RIMS2: variants seen among roughly 807,000 people sequenced by gnomAD.
RIMS2 encodes the protein regulating synaptic membrane exocytosis 2, also known as regulating synaptic membrane exocytosis protein 2.
A neutral mutation model predicts 174.4 loss-of-function variants in RIMS2; 59 were observed. The ratio of observed to expected loss-of-function variants is 0.34; its 90% confidence interval spans 0.27 to 0.42. The LOEUF (loss-of-function observed/expected upper bound fraction) is 0.42, where lower values mean the gene tolerates loss of function less well. Ranked by LOEUF, RIMS2 falls within the 10% of genes least tolerant of loss-of-function variation. The pLI, the probability that RIMS2 is intolerant of heterozygous loss-of-function variation, is 1.00. For synonymous variants in RIMS2, 606 were observed against 572.5 expected (o/e 1.06, Z -0.84); for missense variants, 1,620 against 1,666.3 (o/e 0.97, Z 0.48).
chr8:103,667,113 A>T (rs2096680637), intron 1 of RIMS2, among the ~76,000 whole-genome samples: 1 of 152,212 alleles, frequency 6.6e-6, no homozygotes, highest in African/African-American at 2.4e-5. Flanking sequence ...CAAAGACCAA[A>T]GAATAAGCTA....
intron 19 of RIMS2, among the ~76,000 whole-genome samples, chr8:104,240,391 A>T (rs1483354606): frequency 6.6e-6 from 1 of 152,226 alleles, no homozygotes. Context: ...ATTCATGGTA[A>T]TGAATGACAT....
intron 19 of RIMS2, among the ~76,000 whole-genome samples, chr8:104,055,972 C>T (rs541913475): frequency 8.4e-4 from 128 of 152,124 alleles, no homozygotes; most frequent in African/African-American, 2.7e-3. Flanking sequence ...TGCACACATA[C>T]GAACATTTTG....
chr8:104,142,700 A>AT (rs572072924), intron 19 of RIMS2, among the ~76,000 whole-genome samples: 223 of 152,242 alleles, frequency 1.5e-3, no homozygotes, highest in African/African-American at 5.3e-3. Context: ...AACCTTAAAC[A>AT]TAGATTAATT....
intron 3 of RIMS2, among the ~76,000 whole-genome samples, chr8:103,874,428 C>T (rs1383243451): frequency 6.6e-6 from 1 of 151,978 alleles, no homozygotes; most frequent in East Asian, 1.9e-4. Flanking sequence ...AAATAGATGA[C>T]AGAAAGCCAA....
chr8:104,056,444 G>A (rs1452439845), intron 19 of RIMS2, among the ~76,000 whole-genome samples: 2 of 151,890 alleles, frequency 1.3e-5, no homozygotes, highest in African/African-American at 4.8e-5. Flanking sequence ...GAATTATAAA[G>A]AGTATCTGGT....
At chr8:104,046,675 C>T (rs192315519) in intron 19 of RIMS2, among the ~76,000 whole-genome samples, 21 of 152,056 alleles carry the variant, frequency 1.4e-4, no homozygotes, top group African/African-American at 5.1e-4. Flanking sequence ...TATAGATACT[C>T]TGTGTGCATT....
At chr8:103,891,817 A>G (rs2099247627) in intron 4 of RIMS2, among the ~76,000 whole-genome samples, 1 of 152,084 alleles carries the variant, frequency 6.6e-6, no homozygotes, top group Non-Finnish European at 1.5e-5. Context: ...ATGGTGGTGG[A>G]TTAATTTGTA....
intron 19 of RIMS2, among the ~76,000 whole-genome samples, chr8:104,101,103 C>A (rs1272390281): frequency 7.9e-6 from 1 of 126,112 alleles, no homozygotes; most frequent in African/African-American, 3.2e-5. Flanking sequence ...TATAATATTG[C>A]ATATATTATA....
chr8:103,758,923 C>T (rs1377370925), intron 2 of RIMS2, among the ~76,000 whole-genome samples: 2 of 152,070 alleles, frequency 1.3e-5, no homozygotes, highest in African/African-American at 2.4e-5. Flanking sequence ...TGGATGAAAT[C>T]GATGAAATGG....
intron 1 of RIMS2, among the ~76,000 whole-genome samples, chr8:103,509,128 A>T (rs952481307): frequency 1.3e-5 from 2 of 152,096 alleles, no homozygotes; most frequent in African/African-American, 4.8e-5. Flanking sequence ...GGATGGTAGT[A>T]AAAAGGACCA....
chr8:104,137,546 A>G (rs540828544), intron 19 of RIMS2, among the ~76,000 whole-genome samples: 26 of 152,346 alleles, frequency 1.7e-4, no homozygotes, highest in African/African-American at 6.0e-4. Flanking sequence ...TTATACATTC[A>G]TTATATATTA....
chr8:104,230,479 C>T (rs1002551545), intron 19 of RIMS2, among the ~76,000 whole-genome samples: 3 of 151,420 alleles, frequency 2.0e-5, no homozygotes, highest in African/African-American at 7.3e-5. Flanking sequence ...AATCCTGTCT[C>T]TACTAAAAAC....
intron 19 of RIMS2, among the ~76,000 whole-genome samples, chr8:104,204,760 A>G (rs1224994915): frequency 6.6e-6 from 1 of 152,222 alleles, no homozygotes; most frequent in Non-Finnish European, 1.5e-5. Context: ...AGAATCCTGT[A>G]AGAGGCTTGT....
At chr8:103,514,250 T>C (rs1025393397) in intron 1 of RIMS2, among the ~76,000 whole-genome samples, 2 of 152,344 alleles carry the variant, frequency 1.3e-5, no homozygotes, top group Non-Finnish European at 1.5e-5. Flanking sequence ...CATGTCAAAC[T>C]AGGTCCTTCA....
intron 19 of RIMS2, among the ~76,000 whole-genome samples, chr8:104,040,340 G>A (rs926745043): frequency 6.6e-6 from 1 of 151,498 alleles, no homozygotes; most frequent in Non-Finnish European, 1.5e-5. Context: ...TGGTTTTGTG[G>A]CATATTGTTC....
intron 3 of RIMS2, among the ~76,000 whole-genome samples, chr8:103,771,977 A>G (rs1304335826): frequency 6.6e-6 from 1 of 152,130 alleles, no homozygotes; most frequent in African/African-American, 2.4e-5. Flanking sequence ...TCTAAACTGT[A>G]AAGTTTTAAG....
intron 2 of RIMS2, 29 bp from the exon 6 acceptor site, chr8:103,766,198 A>T (rs774189747): frequency 6.6e-7 from 1 of 1,510,280 alleles, no homozygotes; most frequent in East Asian, 2.3e-5. Flanking sequence ...GGGAACACTA[A>T]TTTTTTCCCC....
At chr8:103,563,057 C>T (rs1277918611) in intron 1 of RIMS2, among the ~76,000 whole-genome samples, 1 of 152,152 alleles carries the variant, frequency 6.6e-6, no homozygotes, top group Non-Finnish European at 1.5e-5. Context: ...AGTTTTTCCT[C>T]CTAAATCTCC....
rs899702049 is a variant in RIMS2 at position 103,763,877 on chromosome 8, T to G, written c.388-2350T>G. On this transcript the variant is annotated intron_variant, in intron 2 of 23. Coordinates refer to ENST00000504942, the Ensembl canonical transcript of RIMS2. ...CTGACAAGGCTGTGTATGAACTCCT[T>G]TGGTCTTAGCCAGTCTGAGGAGCAT... Among the ~76,000 whole-genome samples the G allele has an allele frequency of 3.8e-4, 58 of 152,326 alleles. 1 individual carries two copies. The highest frequency in any genetic ancestry group is 5.7e-4 in the Non-Finnish European group (39 of 68,022).
Sources: gnomAD v4.1 joint callset for allele counts (sites outside exome capture counted in the v4.1 genomes callset) on GRCh38, gnomAD v4.1.1 for gene constraint, MANE v1.5 for transcripts, NCBI Gene and HGNC (gene_info 2026-07-23, HGNC 2026-07-21) for gene names.